FCHSD2: variants seen among roughly 807,000 people sequenced by gnomAD.
The protein encoded by FCHSD2 is FCH and double SH3 domains 2, also known as F-BAR and double SH3 domains protein 2.
In FCHSD2, 38 loss-of-function variants were observed where a neutral mutation model predicts 108.1. That is an observed-to-expected ratio of 0.35 (90% confidence interval 0.27 to 0.46). The LOEUF (loss-of-function observed/expected upper bound fraction) is 0.46. FCHSD2 is among the 20% of genes least tolerant of loss of function. FCHSD2 has a pLI of 1.00. For synonymous variants in FCHSD2, 279 were observed against 314.7 expected, an observed-to-expected ratio of 0.89 and a Z score of 1.20; for missense variants, 751 against 897.8, an observed-to-expected ratio of 0.84 and a Z score of 2.09.
intron 8 of FCHSD2, among the ~76,000 whole-genome samples, chr11:72,962,490 A>G (rs911100381): frequency 1.3e-5 from 2 of 152,236 alleles, no homozygotes; most frequent in African/African-American, 4.8e-5. Flanking sequence ...AGCGATTGAT[A>G]TTCACTGTAA....
At chr11:72,904,015 A>C (rs140147529) in intron 9 of FCHSD2, among the ~76,000 whole-genome samples, 132 of 152,330 alleles carry the variant, frequency 8.7e-4, no homozygotes, top group African/African-American at 3.0e-3. Context: ...AGAATTTATA[A>C]TCTGGGAACT....
intron 3 of FCHSD2, among the ~76,000 whole-genome samples, chr11:73,049,925 G>A (rs911027734): frequency 6.6e-6 from 1 of 152,068 alleles, no homozygotes; most frequent in African/African-American, 2.4e-5. Context: ...TACAAGGAAG[G>A]TTTCTTAAAA....
At chr11:72,897,082 C>G (rs1855436318) in intron 10 of FCHSD2, among the ~76,000 whole-genome samples, 2 of 152,122 alleles carry the variant, frequency 1.3e-5, no homozygotes, top group African/African-American at 4.8e-5. Flanking sequence ...CATCTCAGCT[C>G]TCAGCCTCCC....
intron 5 of FCHSD2, among the ~76,000 whole-genome samples, chr11:73,000,511 A>G (rs1052117407): frequency 3.9e-5 from 6 of 152,182 alleles, no homozygotes; most frequent in Admixed American, 2.6e-4. Flanking sequence ...CCATATAATT[A>G]AAGTTTAGAG....
At chr11:73,014,282 C>T (rs1005896350) in intron 4 of FCHSD2, among the ~76,000 whole-genome samples, 3 of 151,736 alleles carry the variant, frequency 2.0e-5, no homozygotes, top group Non-Finnish European at 2.9e-5. Flanking sequence ...CATGCACGTA[C>T]CACCACACCC....
intron 13 of FCHSD2, among the ~76,000 whole-genome samples, chr11:72,856,551 G>A (rs1377621359): frequency 6.6e-6 from 1 of 152,160 alleles, no homozygotes; most frequent in African/African-American, 2.4e-5. Context: ...GAGAGTTCCA[G>A]AATAATAAAT....
In FCHSD2 at chr11:72,903,610, A is replaced by G. The variant is rs76579313; in HGVS notation, c.829-972T>C. Among the ~76,000 whole-genome samples, 1,230 of 152,210 alleles carry G rather than the reference A, an allele frequency of 8.1e-3. 26 individuals carry two copies. The highest frequency in any genetic ancestry group is 0.028 in the African/African-American group (1,180 of 41,518). On this transcript the variant is annotated intron_variant, in intron 9 of 19. Transcript: ENST00000409418. The stretch of plus-strand genomic sequence containing the variant: ...TGAAAAGAATTCATTGCATTTACAT[A>G]CCTTGGGAAAGAGTGGAAATCGGCA...
intron 3 of FCHSD2, among the ~76,000 whole-genome samples, chr11:73,026,369 T>C (rs1858229420): frequency 6.6e-6 from 1 of 152,194 alleles, no homozygotes; most frequent in South Asian, 2.1e-4. Context: ...CAGTTGCTCT[T>C]GCCACTGGGA....
At chr11:72,843,362 A>AGGG (rs3217361) in intron 15 of FCHSD2, 34 bp from the exon 16 acceptor site, 454,802 of 1,611,472 alleles carry the variant, frequency 0.28, 67,347 homozygotes, top group Middle Eastern at 0.37. Context: ...ACAAGTTTAC[A>AGGG]CACACAATTT....
Position 72,837,158 on chromosome 11 carries a change from CT to C in FCHSD2, c.*1632del, listed in dbSNP as rs921069159. The C allele has an allele frequency of 6.6e-6, 1 of 151,938 alleles. No individual in the cohort carries two copies. Among genetic ancestry groups the C allele is most frequent in the African/African-American group, 2.4e-5 (1 of 41,350 alleles). 9.4% of individuals were successfully genotyped at this position (151,938 alleles called of 1,614,324 possible). The stretch of plus-strand genomic sequence containing the variant: ...CTTAAAAAAACCACCCTTTTAATTT[CT>C]TTTTTAAACTTAAGAATAAGTTTGA... On this transcript the variant is annotated 3_prime_UTR_variant, in exon 20 of 20. Coordinates refer to ENST00000409418, the MANE Select transcript of FCHSD2 (RefSeq NM_014824.3).
At chr11:72,973,378 G>GAAAGA (rs761429444) in intron 8 of FCHSD2, among the ~76,000 whole-genome samples, 8 of 150,662 alleles carry the variant, frequency 5.3e-5, no homozygotes, top group African/African-American at 9.8e-5. Flanking sequence ...AAAAAAAAAA[G>GAAAGA]AAAGAAAAGA....
chr11:73,054,247 C>T (rs890826849), intron 3 of FCHSD2, among the ~76,000 whole-genome samples: 1 of 151,874 alleles, frequency 6.6e-6, no homozygotes, highest in Admixed American at 6.6e-5. Context: ...GTTTGCCAAT[C>T]TCTGCTCTGG....
At chr11:72,891,676 A>G (rs1460019688) in intron 10 of FCHSD2, among the ~76,000 whole-genome samples, 2 of 152,254 alleles carry the variant, frequency 1.3e-5, no homozygotes, top group African/African-American at 4.8e-5. Context: ...GAGTCCAAGA[A>G]TAGGTTTTTG....
intron 10 of FCHSD2, among the ~76,000 whole-genome samples, chr11:72,901,573 C>A (rs1348378688): frequency 6.6e-6 from 1 of 151,984 alleles, no homozygotes; most frequent in African/African-American, 2.4e-5. Flanking sequence ...TGTTGTGGAA[C>A]TACCAAGTTA....
intron 3 of FCHSD2, among the ~76,000 whole-genome samples, chr11:73,026,057 C>T (rs1858222857): frequency 6.6e-6 from 1 of 152,090 alleles, no homozygotes; most frequent in African/African-American, 2.4e-5. Context: ...TAGAGTCTCA[C>T]TCTGTTCCCA....
rs111676821 is a variant in FCHSD2 at position 73,039,386 on chromosome 11, G to C, written c.166-23501C>G. 5.4e-3 allele frequency among the ~76,000 whole-genome samples: 822 copies of C among 151,958 alleles called. 4 individuals are homozygous for C. Among genetic ancestry groups the C allele is most frequent in the South Asian group, 0.014 (67 of 4,804 alleles). On this transcript the variant is annotated intron_variant, in intron 3 of 19. Transcript: ENST00000409418. ...TACGAAAATTAGCTGGGCATGGTGG[G>C]GCGTGCCTGTAGTCCTAGCTACTCC...
chr11:72,912,146 G>A lies in FCHSD2; in HGVS notation c.829-9508C>T, dbSNP rs558026250. ...ACTTTGGATGCTCTTTCTTTCTTTT[G>A]TCTGACTGCTGTAGCTAGGACTTCC... On this transcript the variant is annotated intron_variant, in intron 9 of 19. Transcript: ENST00000409418. 1.2e-3 allele frequency among the ~76,000 whole-genome samples: 184 copies of A among 152,046 alleles called. 1 individual carries two copies. The highest frequency in any genetic ancestry group is 4.2e-3 in the African/African-American group (174 of 41,444).
chr11:73,112,214 A>G (rs569433531), intron 2 of FCHSD2, among the ~76,000 whole-genome samples: 1 of 152,278 alleles, frequency 6.6e-6, no homozygotes, highest in African/African-American at 2.4e-5. Context: ...TTTGTCTGGA[A>G]AAGCCTTTAT....
At chr11:72,887,163 C>A (rs2135245098) in intron 12 of FCHSD2, among the ~76,000 whole-genome samples, 1 of 151,356 alleles carries the variant, frequency 6.6e-6, no homozygotes, top group Non-Finnish European at 1.5e-5. Context: ...ATATATACAT[C>A]ATTTTTTCTA....
Sources: gnomAD v4.1 joint callset for allele counts (sites outside exome capture counted in the v4.1 genomes callset) on GRCh38, gnomAD v4.1.1 for gene constraint, MANE v1.5 for transcripts, NCBI Gene and HGNC (gene_info 2026-07-23, HGNC 2026-07-21) for gene names.